The following PTPN3 variants were observed in gnomAD, a reference collection of about 807,000 sequenced individuals.
PTPN3 encodes protein tyrosine phosphatase non-receptor type 3, also known as tyrosine-protein phosphatase non-receptor type 3.
A neutral mutation model predicts 132.7 loss-of-function variants in PTPN3; 96 were observed. The observed-to-expected ratio is 0.72, with a 90% CI of 0.61 to 0.86. PTPN3 has a LOEUF of 0.86. PTPN3 is among the 40% of genes least tolerant of loss of function. The probability of loss-of-function intolerance (pLI) is 0.00; values close to 1 mark genes in which losing one functional copy is unlikely to be tolerated. For missense variants in PTPN3, 1,125 were observed against 1,159.6 expected, an observed-to-expected ratio of 0.97 and a Z score of 0.43; for synonymous variants, 398 against 429.0, an observed-to-expected ratio of 0.93 and a Z score of 0.89.
At chr9:109,523,484 T>C in the PTPN3 span, among the ~76,000 whole-genome samples, 4 of 134,468 alleles carry the variant, frequency 3.0e-5, no homozygotes, top group East Asian at 9.8e-4. Flanking sequence ...AGAATGCTTT[T>C]CTTTCGTCTT....
rs762014539 is a variant in PTPN3 at position 109,412,143 on chromosome 9, TTCTG to T, written c.1314-1732_1314-1729del. 7.2e-5 allele frequency among the ~76,000 whole-genome samples: 11 copies of T among 152,172 alleles called. 1 individual carries two copies. The South Asian group carries it at 8.3e-4, about 11-fold the overall frequency. ...GTTAAAATGGTATTTCCAGTTCTCG[TTCTG>T]TCTGTCTCTGTCTCTGTCTCTACCT... On this transcript the variant is annotated intron_variant, in intron 14 of 25. Transcript: ENST00000374541.
chr9:109,462,305 A>T (rs1293250315), intron 2 of PTPN3, among the ~76,000 whole-genome samples: 1 of 152,234 alleles, frequency 6.6e-6, no homozygotes, highest in Non-Finnish European at 1.5e-5. Context: ...AACTCCACGC[A>T]AACTGCCTTC....
the PTPN3 span, among the ~76,000 whole-genome samples, chr9:109,504,526 C>T: frequency 7.2e-5 from 11 of 152,172 alleles, no homozygotes; most frequent in Non-Finnish European, 1.5e-4. Flanking sequence ...CCAGATTATG[C>T]ATATATTTTT....
In PTPN3 at chr9:109,467,047, G is replaced by A. The variant is rs193004649; in HGVS notation, c.-17-3596C>T. 1.1e-4 allele frequency among the ~76,000 whole-genome samples: 17 copies of A among 152,194 alleles called. No homozygotes were observed. The East Asian group carries it at 3.1e-3, about 28-fold the overall frequency. On this transcript the variant is annotated intron_variant, in intron 1 of 25. Transcript: ENST00000374541. Reference sequence around the variant, plus strand: ...AAAAAAACTTCCTGGGACCAGCAGTGCAAAGGAACTTATTCAGTCGCTTAT... The same window carrying A: ...AAAAAAACTTCCTGGGACCAGCAGTACAAAGGAACTTATTCAGTCGCTTAT...
At chr9:109,428,349 G>A (rs1450488333) in intron 11 of PTPN3, among the ~76,000 whole-genome samples, 1 of 152,098 alleles carries the variant, frequency 6.6e-6, no homozygotes, top group Admixed American at 6.5e-5. Context: ...GACAATCACT[G>A]GATCCTCCAG....
chr9:109,494,404 C>T (rs1339255176), intron 1 of PTPN3, among the ~76,000 whole-genome samples: 3 of 152,222 alleles, frequency 2.0e-5, no homozygotes, highest in Non-Finnish European at 4.4e-5. Context: ...GGCCACTGCA[C>T]TCCAGCCTGA....
At chr9:109,451,038 TTTTTAA>T (rs1407942274) in intron 5 of PTPN3, 21 of 405,662 alleles carry the variant, frequency 5.2e-5, no homozygotes, top group East Asian at 2.7e-4. Context: ...ATTTTTCATT[TTTTTAA>T]TTTTTAATTT....
chr9:109,511,201 C>T, the PTPN3 span, among the ~76,000 whole-genome samples: 5 of 152,120 alleles, frequency 3.3e-5, no homozygotes, highest in East Asian at 7.7e-4. Flanking sequence ...GCTTGCAATC[C>T]TGCTGAGTCC....
the PTPN3 span, among the ~76,000 whole-genome samples, chr9:109,512,759 C>G: frequency 6.6e-6 from 1 of 152,288 alleles, no homozygotes; most frequent in Non-Finnish European, 1.5e-5. Context: ...GAGAGACAGG[C>G]CTTTGGGACC....
At chr9:109,526,770 C>A in the PTPN3 span, among the ~76,000 whole-genome samples, 1 of 152,128 alleles carries the variant, frequency 6.6e-6, no homozygotes. Context: ...TATCTGATAA[C>A]AACTTATAAA....
intron 17 of PTPN3, among the ~76,000 whole-genome samples, chr9:109,406,865 T>C (rs940963053): frequency 1.3e-5 from 2 of 152,226 alleles, no homozygotes; most frequent in Non-Finnish European, 2.9e-5. Context: ...GATATAAAAA[T>C]TGCTGAAGCC....
At position 109,428,667 on chromosome 9, in the gene PTPN3, AT is replaced by A; in HGVS notation, c.781del (p.Ile261PhefsTer29). On this transcript the variant is annotated frameshift_variant, in exon 11 of 26. Coordinates refer to ENST00000374541, the MANE Select transcript of PTPN3 (RefSeq NM_002829.4). LOFTEE classifies it high-confidence loss of function. ...GAAGAACTTTTTCCTTTTGAAAGAAATTTTGAGAATGTTCACCCTTCAAAAA... is the reference window on the plus strand; with the variant it reads ...GAAGAACTTTTTCCTTTTGAAAGAAATTTGAGAATGTTCACCCTTCAAAAA... Reference protein sequence around the residue: ...SFYPWVNILKISFKRKKFFIH... With the variant: ...SFYPWVNILKXSFKRKKFFIH... 1 of 1,613,688 alleles carries A rather than the reference AT, an allele frequency of 6.2e-7. No individual in the cohort carries two copies. The highest frequency in any genetic ancestry group is 8.5e-7 in the Non-Finnish European group (1 of 1,179,876).
chr9:109,495,328 A>G (rs1847626437), intron 1 of PTPN3, among the ~76,000 whole-genome samples: 1 of 152,230 alleles, frequency 6.6e-6, no homozygotes, highest in Non-Finnish European at 1.5e-5. Context: ...GAAAAGATGT[A>G]GGGACCACAA....
chr9:109,443,625 G>C (rs2131965883), intron 7 of PTPN3, among the ~76,000 whole-genome samples: 1 of 152,320 alleles, frequency 6.6e-6, no homozygotes, highest in Middle Eastern at 3.4e-3. Context: ...GGGAGGCTCA[G>C]TCTCCTCAGC....
intron 19 of PTPN3, among the ~76,000 whole-genome samples, chr9:109,398,817 C>T (rs1588324536): frequency 6.6e-6 from 1 of 152,208 alleles, no homozygotes; most frequent in African/African-American, 2.4e-5. Flanking sequence ...ATACCAAATG[C>T]AGATCCTGTC....
In PTPN3 at chr9:109,463,381, C is replaced by T. The variant is rs145689613; in HGVS notation, c.54G>A (p.Ser18=). Residue 18 remains serine, a synonymous_variant, in exon 2 of 26, where the codon TCG becomes TCA. Coordinates refer to ENST00000374541, the MANE Select transcript of PTPN3 (RefSeq NM_002829.4). ...LGGRINNIRT[S]ELPKEKTRSE... Reference sequence around the variant, plus strand: ...ATCGAGTTTTCTCTTTGGGTAACTCCGAGGTGCGTATATTATTAATTCTTC... The same window carrying T: ...ATCGAGTTTTCTCTTTGGGTAACTCTGAGGTGCGTATATTATTAATTCTTC... The T allele has an allele frequency of 2.0e-3, 3,160 of 1,613,278 alleles. 5 individuals carry two copies. Among genetic ancestry groups the T allele is most frequent in the Middle Eastern group, 3.8e-3 (23 of 6,062 alleles).
chr9:109,505,094 G>C, the PTPN3 span, among the ~76,000 whole-genome samples: 26 of 152,284 alleles, frequency 1.7e-4, no homozygotes, highest in South Asian at 4.1e-4. Context: ...TTCTAGGGAG[G>C]AGAGTCAGTA....
At position 109,376,862 on chromosome 9, in the gene PTPN3, C is replaced by T. The variant is rs1838593379; in HGVS notation, c.*2694G>A. 4 of 152,190 alleles carry T rather than the reference C, an allele frequency of 2.6e-5. No individual in the cohort carries two copies. The South Asian group carries it at 8.3e-4, about 31-fold the overall frequency. 9.4% of individuals were successfully genotyped at this position (152,190 alleles called of 1,614,324 possible). ...TAGGTAATTCTCTTGTCTTGTTCTT[C>T]CCAGTATTTCCTGGATTTGTTCCTG... is the stretch of plus-strand genomic sequence containing the variant. On this transcript the variant is annotated 3_prime_UTR_variant, in exon 26 of 26. Transcript: ENST00000374541.
chr9:109,385,038 G>A (rs910898735), intron 22 of PTPN3, among the ~76,000 whole-genome samples: 1 of 152,284 alleles, frequency 6.6e-6, no homozygotes, highest in Non-Finnish European at 1.5e-5. Flanking sequence ...GGCTCCCAAT[G>A]GTCCTGCCCA....
Sources: allele counts gnomAD v4.1 joint callset (sites outside exome capture counted in the v4.1 genomes callset), GRCh38; gene constraint gnomAD v4.1.1; transcripts MANE v1.5; gene names NCBI Gene and HGNC (gene_info 2026-07-23, HGNC 2026-07-21).